The following OPCML variants were observed in gnomAD, a reference collection of about 807,000 sequenced individuals.
OPCML encodes the protein opioid-binding protein/cell adhesion molecule.
OPCML carries 13 observed loss-of-function variants against 37.8 expected under a neutral mutation model. That is an observed-to-expected ratio of 0.34 (90% CI 0.22 to 0.55). The LOEUF (loss-of-function observed/expected upper bound fraction) is 0.55. Ranked by LOEUF, OPCML falls within the 20% of genes least tolerant of loss-of-function variation. The pLI, the probability that OPCML is intolerant of heterozygous loss-of-function variation, is 0.91. For synonymous variants in OPCML, 176 were observed against 168.8 expected (o/e 1.04, Z -0.33); for missense variants, 341 against 435.6 (o/e 0.78, Z 1.93).
chr11:132,523,889 G>C (rs557536036), intron 4 of OPCML, among the ~76,000 whole-genome samples: 1 of 152,204 alleles, frequency 6.6e-6, no homozygotes, highest in Non-Finnish European at 1.5e-5. Flanking sequence ...AATAGCTCAT[G>C]CACTTGCTCC....
intron 1 of OPCML, among the ~76,000 whole-genome samples, chr11:133,496,867 C>T (rs1947798531): frequency 6.6e-6 from 1 of 152,210 alleles, no homozygotes; most frequent in African/African-American, 2.4e-5. Context: ...TTGACTTCCT[C>T]TTTACCAATT....
At chr11:132,821,723 A>G (rs772559419) in intron 2 of OPCML, among the ~76,000 whole-genome samples, 14 of 152,002 alleles carry the variant, frequency 9.2e-5, no homozygotes, top group Admixed American at 5.2e-4. Flanking sequence ...TTTGTTTCCA[A>G]TTCAAGGTAT....
chr11:133,010,794 T>C (rs1329909800), intron 1 of OPCML, among the ~76,000 whole-genome samples: 2 of 152,150 alleles, frequency 1.3e-5, no homozygotes, highest in African/African-American at 4.8e-5. Context: ...TCTTGCCAAG[T>C]TGATATTCAA....
intron 2 of OPCML, among the ~76,000 whole-genome samples, chr11:132,873,644 A>G (rs1942897310): frequency 6.6e-6 from 1 of 151,964 alleles, no homozygotes; most frequent in South Asian, 2.1e-4. Flanking sequence ...AGCTAATATG[A>G]AGAAAGTCAT....
chr11:133,080,459 C>A (rs943036833), intron 1 of OPCML, among the ~76,000 whole-genome samples: 4 of 147,690 alleles, frequency 2.7e-5, no homozygotes, highest in African/African-American at 1.0e-4. Context: ...AACATTCCCA[C>A]TTTGGTAATC....
At chr11:132,610,732 A>C (rs2137840965) in intron 3 of OPCML, among the ~76,000 whole-genome samples, 1 of 152,268 alleles carries the variant, frequency 6.6e-6, no homozygotes, top group Non-Finnish European at 1.5e-5. Flanking sequence ...ACAAATGTTT[A>C]ATTACTTCTC....
intron 3 of OPCML, among the ~76,000 whole-genome samples, chr11:132,649,736 T>C (rs1033305856): frequency 6.6e-6 from 1 of 152,158 alleles, no homozygotes; most frequent in African/African-American, 2.4e-5. Context: ...CAAGCATATA[T>C]ATGTGTATCT....
intron 1 of OPCML, among the ~76,000 whole-genome samples, chr11:133,024,179 G>A (rs1947505003): frequency 1.3e-5 from 2 of 152,198 alleles, no homozygotes; most frequent in Non-Finnish European, 2.9e-5. Context: ...TTTCAACACT[G>A]TTTTCCTGGA....
In OPCML at chr11:133,210,488, G is replaced by C. The variant is rs987166973; in HGVS notation, c.62-267478C>G. Among the ~76,000 whole-genome samples, 4 of 152,074 alleles carry C rather than the reference G, an allele frequency of 2.6e-5. No homozygotes were observed. The South Asian group carries it at 8.3e-4, about 32-fold the overall frequency. On this transcript the variant is annotated intron_variant, in intron 1 of 7. Coordinates refer to ENST00000524381, the MANE Select transcript of OPCML (RefSeq NM_001012393.5). The stretch of plus-strand genomic sequence containing the variant: ...CTTTCTCTGATGAAGTTCCCTTCAA[G>C]GTTTTTGTTACAAAAACTTATATGT...
At chr11:133,003,691 C>A (rs1187014272) in intron 1 of OPCML, 1 of 985,284 alleles carries the variant, frequency 1.0e-6, no homozygotes. Flanking sequence ...CATTCTATTG[C>A]TTCCGGTAAT....
chr11:132,496,788 G>A (rs926527835), intron 4 of OPCML, among the ~76,000 whole-genome samples: 2 of 152,170 alleles, frequency 1.3e-5, no homozygotes, highest in Admixed American at 6.5e-5. Flanking sequence ...AATGCTACCA[G>A]GTTGCTCTCA....
intron 1 of OPCML, among the ~76,000 whole-genome samples, chr11:133,083,333 G>T (rs1360498550): frequency 6.6e-6 from 1 of 152,176 alleles, no homozygotes; most frequent in South Asian, 2.1e-4. Context: ...CCGAGGCCCC[G>T]CGACCGCATG....
chr11:133,301,083 C>T (rs960284885), intron 1 of OPCML: 17 of 152,162 alleles, frequency 1.1e-4, no homozygotes, highest in Non-Finnish European at 2.2e-4. Context: ...CACAGATGTA[C>T]AGGGTGGCTA....
chr11:132,628,270 A>C (rs149068984), intron 3 of OPCML, among the ~76,000 whole-genome samples: 3 of 152,292 alleles, frequency 2.0e-5, no homozygotes, highest in South Asian at 2.1e-4. Context: ...AAATGAGTGA[A>C]TTGAAGAAGG....
chr11:133,293,946 A>C (rs1209134583), intron 1 of OPCML, among the ~76,000 whole-genome samples: 1 of 150,868 alleles, frequency 6.6e-6, no homozygotes, highest in African/African-American at 2.4e-5. Flanking sequence ...AAAAGCATCC[A>C]GATGGTTTAC....
At chr11:132,961,584 A>G (rs771575560) in intron 1 of OPCML, among the ~76,000 whole-genome samples, 37 of 152,228 alleles carry the variant, frequency 2.4e-4, no homozygotes, top group Non-Finnish European at 4.4e-4. Context: ...GAAGAATGGT[A>G]AATATAAATA....
intron 1 of OPCML, among the ~76,000 whole-genome samples, chr11:133,185,832 C>T (rs751665257): frequency 6.6e-6 from 1 of 152,154 alleles, no homozygotes; most frequent in African/African-American, 2.4e-5. Flanking sequence ...TCCCATTCTA[C>T]AGATGTAGAA....
intron 2 of OPCML, among the ~76,000 whole-genome samples, chr11:132,925,619 C>T (rs1944962119): frequency 6.6e-6 from 1 of 152,070 alleles, no homozygotes; most frequent in African/African-American, 2.4e-5. Context: ...AGCCATCACT[C>T]AATGGTCTTT....
Position 133,090,115 on chromosome 11 carries a change from C to G in OPCML, c.62-147105G>C, listed in dbSNP as rs956759290. Among the ~76,000 whole-genome samples the G allele has an allele frequency of 3.9e-5, 6 of 152,270 alleles. No individual in the cohort carries two copies. The South Asian group carries it at 6.2e-4, about 16-fold the overall frequency. ...GGTTTTAGCCAAGAATCCTGCTGAG[C>G]CCATTTATGGAGCATCCTCTCCGCC... On this transcript the variant is annotated intron_variant, in intron 1 of 7. Coordinates refer to ENST00000524381, the MANE Select transcript of OPCML (RefSeq NM_001012393.5).
Sources: allele counts gnomAD v4.1 joint callset (sites outside exome capture counted in the v4.1 genomes callset), GRCh38; gene constraint gnomAD v4.1.1; transcripts MANE v1.5; gene names NCBI Gene and HGNC (gene_info 2026-07-23, HGNC 2026-07-21).